IL3RA: variants seen among roughly 807,000 people sequenced by gnomAD.
IL3RA encodes interleukin 3 receptor subunit alpha, also known as interleukin-3 receptor subunit alpha.
A neutral mutation model predicts 52.3 loss-of-function variants in IL3RA; 73 were observed. The ratio of observed to expected loss-of-function variants is 1.40; its 90% CI spans 1.16 to 1.70. IL3RA has a LOEUF of 1.70. Among genes scored for constraint, IL3RA ranks in the 40% most tolerant of loss-of-function variants. IL3RA has a pLI of 0.00. For missense variants in IL3RA, 664 were observed against 504.4 expected (o/e 1.32, Z -3.03); for synonymous variants, 260 against 194.0 (o/e 1.34, Z -2.83).
chrX:1,352,617 C>T, intron 6 of IL3RA, 111 bp downstream of exon 6: 6 of 1,155,156 alleles, frequency 5.2e-6, no homozygotes, highest in Non-Finnish European at 7.4e-6. Context: ...GTTGGCCTCT[C>T]ACATTTCCAG....
Position 1,352,407 on chromosome X carries a change from C to G in IL3RA, c.517C>G (p.Leu173Val). ...GTGTCGTTTCGATGACATCTCTCGA[C>G]TCTCCAGCGGTTCTCAAAGTTCCCA... ...IGCRFDDISR[L>V]SSGSQSSHIL... Residue 173 changes from leucine to valine, a missense_variant, in exon 6 of 12, where the codon CTC becomes GTC. Coordinates refer to ENST00000331035, the MANE Select transcript of IL3RA (RefSeq NM_002183.4). 1.2e-6 allele frequency: 2 copies of G among 1,613,876 alleles called. No homozygotes were observed. The highest frequency in any genetic ancestry group is 1.7e-6 in the Non-Finnish European group (2 of 1,179,866).
At chrX:1,344,045 T>G (rs189567196) in intron 2 of IL3RA, among the ~76,000 whole-genome samples, 1 of 151,948 alleles carries the variant, frequency 6.6e-6, no homozygotes, top group African/African-American at 2.4e-5. Flanking sequence ...CCGCCCACCT[T>G]GGCCTCCCAA....
At chrX:1,338,937 C>CTACA (rs1204524054) in intron 1 of IL3RA, among the ~76,000 whole-genome samples, 8 of 152,064 alleles carry the variant, frequency 5.3e-5, no homozygotes, top group African/African-American at 1.9e-4. Context: ...GTAGCTGGGA[C>CTACA]TACAGGCACC....
chrX:1,355,918 G>C (rs1603445076), intron 6 of IL3RA, among the ~76,000 whole-genome samples: 1 of 152,026 alleles, frequency 6.6e-6, no homozygotes, highest in South Asian at 2.1e-4. Flanking sequence ...CCAGTCCTTG[G>C]AAAAGCTGAA....
chrX:1,363,425 T>G (rs1251022860), intron 8 of IL3RA, among the ~76,000 whole-genome samples: 1 of 149,608 alleles, frequency 6.7e-6, no homozygotes, highest in Non-Finnish European at 1.5e-5. Flanking sequence ...CTCAGCCTCC[T>G]GAGTAGCTGG....
intron 1 of IL3RA, among the ~76,000 whole-genome samples, chrX:1,339,660 CGG>C (rs1569518712): frequency 0.011 from 1,661 of 152,090 alleles, 35 homozygotes; most frequent in African/African-American, 0.038. Context: ...GGTGTGGTGG[CGG>C]ACACCGGTAA....
intron 11 of IL3RA, among the ~76,000 whole-genome samples, chrX:1,381,919 TGTCA>T (rs1429309792): frequency 2.7e-5 from 4 of 150,546 alleles, no homozygotes; most frequent in Non-Finnish European, 5.9e-5. Flanking sequence ...CAGACATCTC[TGTCA>T]GAGTTTTTTG....
At chrX:1,348,573 T>C (rs745689096) in intron 4 of IL3RA, 28 bp downstream of exon 4, 1 of 1,537,508 alleles carries the variant, frequency 6.5e-7, no homozygotes, top group South Asian at 1.1e-5. Context: ...TGTTTGTTTA[T>C]TCTCTATTCC....
At chrX:1,381,236 TA>T in intron 11 of IL3RA, 132 bp downstream of exon 11, 1 of 790,050 alleles carries the variant, frequency 1.3e-6, no homozygotes, top group Non-Finnish European at 2.2e-6. Context: ...CCGTGTCTAC[TA>T]AAAATACAAA....
chrX:1,380,945 GT>G (rs1924512267), intron 10 of IL3RA, 77 bp from the exon 11 acceptor site: 1 of 1,256,160 alleles, frequency 8.0e-7, no homozygotes, highest in Non-Finnish European at 1.2e-6. Flanking sequence ...GGCACTGTCT[GT>G]CCTGGACACG....
chrX:1,342,200 G>A (rs1393871841), intron 2 of IL3RA, among the ~76,000 whole-genome samples: 1 of 151,918 alleles, frequency 6.6e-6, no homozygotes, highest in Non-Finnish European at 1.5e-5. Flanking sequence ...GGGTCTTACT[G>A]TCTTGCCCAG....
chrX:1,350,585 A>G (rs2086038547), intron 4 of IL3RA, among the ~76,000 whole-genome samples: 1 of 73,072 alleles, frequency 1.4e-5, no homozygotes, highest in South Asian at 4.4e-4. Context: ...GTGAAATTCC[A>G]TCTAAAAAAA....
chrX:1,359,674 C>G (rs1191889574), intron 8 of IL3RA, among the ~76,000 whole-genome samples: 1 of 150,754 alleles, frequency 6.6e-6, no homozygotes, highest in African/African-American at 2.4e-5. Context: ...CGCTCCGTGT[C>G]TGTCTCTATC....
rs144300259 is a variant in IL3RA at position 1,345,404 on chromosome X, G to A, written c.153G>A (p.Glu51=). ...WDLNRNVTDI[E]CVKDADYSMP... ...TTAACAGAAATGTGACCGATATCGA[G>A]TGTGTTAAAGACGCCGACTATTCTA... is the stretch of plus-strand genomic sequence containing the variant. The change falls in exon 3 of 12, where the codon GAG becomes GAA. Residue 51 remains glutamate, a synonymous_variant. Transcript: ENST00000331035. 7 of 1,608,088 alleles carry A rather than the reference G, an allele frequency of 4.4e-6. No individual in the cohort carries two copies. Among genetic ancestry groups the A allele is most frequent in the East Asian group, 2.2e-5 (1 of 44,784 alleles).
At chrX:1,350,280 C>T (rs1315405740) in intron 4 of IL3RA, among the ~76,000 whole-genome samples, 1 of 150,772 alleles carries the variant, frequency 6.6e-6, no homozygotes, top group Admixed American at 6.6e-5. Flanking sequence ...CATGGTGAAA[C>T]CCCGTCTCTA....
At position 1,358,964 on chromosome X, in the gene IL3RA, T is replaced by TA. The variant is rs1177624256; in HGVS notation, c.759+83dup. On this transcript the variant is annotated intron_variant, in intron 8 of 11. Coordinates refer to ENST00000331035, the MANE Select transcript of IL3RA (RefSeq NM_002183.4). ...TTTATTATTATTAAGAATAAAATGA[T>TA]AAAAAATATTAATAATTCTTATTAA... 2.3e-5 allele frequency: 22 copies of TA among 963,354 alleles called. No individual in the cohort carries two copies. In the East Asian group the frequency reaches 5.7e-4, roughly 25 times the overall value. The allele number at this position is 963,354 out of a possible 1,614,324, so 59.7% of individuals were successfully genotyped here. A position where few individuals can be genotyped will look rare whatever the true frequency, so the allele number is the denominator to read the frequency against.
intron 11 of IL3RA, among the ~76,000 whole-genome samples, chrX:1,381,943 G>GT (rs1346203564): frequency 1.0e-3 from 113 of 109,046 alleles, no homozygotes; most frequent in African/African-American, 2.7e-3. Flanking sequence ...GTTTTGTTTT[G>GT]TTTTGTTTGT....
chrX:1,348,080 C>T (rs1419180785), intron 3 of IL3RA, among the ~76,000 whole-genome samples: 5 of 146,772 alleles, frequency 3.4e-5, no homozygotes, highest in East Asian at 2.0e-4. Flanking sequence ...GGCACGGTGG[C>T]TCACGCCTGT....
At chrX:1,361,748 G>A (rs1393095473) in intron 8 of IL3RA, among the ~76,000 whole-genome samples, 8 of 101,442 alleles carry the variant, frequency 7.9e-5, no homozygotes, top group South Asian at 4.0e-4. Flanking sequence ...GTGAGACTCC[G>A]TCTCGAGAAA....
Sources: gnomAD v4.1 joint callset for allele counts (sites outside exome capture counted in the v4.1 genomes callset) on GRCh38, gnomAD v4.1.1 for gene constraint, MANE v1.5 for transcripts, NCBI Gene and HGNC (gene_info 2026-07-23, HGNC 2026-07-21) for gene names.